KCND3: variants seen among roughly 807,000 people sequenced by gnomAD.
The protein encoded by KCND3 is A-type voltage-gated potassium channel KCND3.
KCND3 carries 9 observed loss-of-function variants against 51.1 expected under a neutral mutation model. The observed-to-expected ratio is 0.18, with a 90% CI of 0.11 to 0.31. KCND3 has a LOEUF of 0.31. Ranked by LOEUF, KCND3 falls within the 10% of genes least tolerant of loss-of-function variation. KCND3 has a pLI of 1.00. For synonymous variants in KCND3, 349 were observed against 368.0 expected (o/e 0.95, Z 0.59); for missense variants, 526 against 903.8 (o/e 0.58, Z 5.36).
At chr1:111,971,059 G>T (rs1674300670) in intron 2 of KCND3, among the ~76,000 whole-genome samples, 1 of 152,226 alleles carries the variant, frequency 6.6e-6, no homozygotes, top group South Asian at 2.1e-4. Context: ...TGGAAGTTCT[G>T]CCAAGAGCTT....
intron 2 of KCND3, among the ~76,000 whole-genome samples, chr1:111,975,270 G>C (rs1264075644): frequency 6.6e-5 from 10 of 152,160 alleles, no homozygotes; most frequent in Admixed American, 6.5e-4. Flanking sequence ...ACATTCTGAG[G>C]TCTCGGCTGC....
chr1:111,812,334 A>T (rs999572234), intron 2 of KCND3, among the ~76,000 whole-genome samples: 1 of 152,176 alleles, frequency 6.6e-6, no homozygotes, highest in Non-Finnish European at 1.5e-5. Flanking sequence ...ATTAGGGGAA[A>T]TGCAAAAATG....
At chr1:111,817,429 T>C (rs965873124) in intron 2 of KCND3, among the ~76,000 whole-genome samples, 8 of 152,174 alleles carry the variant, frequency 5.3e-5, no homozygotes, top group Non-Finnish European at 1.2e-4. Flanking sequence ...TGTCACTCAG[T>C]AGTAAATGCA....
chr1:111,898,593 T>C (rs1451143247), intron 2 of KCND3, among the ~76,000 whole-genome samples: 1 of 152,166 alleles, frequency 6.6e-6, no homozygotes, highest in Non-Finnish European at 1.5e-5. Context: ...AAATGAAAAC[T>C]CAAATATAGC....
chr1:111,880,963 CA>C (rs1241891740), intron 2 of KCND3, among the ~76,000 whole-genome samples: 1 of 152,142 alleles, frequency 6.6e-6, no homozygotes, highest in Non-Finnish European at 1.5e-5. Flanking sequence ...CCTTGGCTCC[CA>C]CATCCTCTGT....
chr1:111,810,890 AG>A (rs1665817743), intron 2 of KCND3, among the ~76,000 whole-genome samples: 1 of 152,160 alleles, frequency 6.6e-6, no homozygotes, highest in Non-Finnish European at 1.5e-5. Context: ...CTTTGCTGTG[AG>A]GGGCTGTGGC....
chr1:111,861,163 AG>A (rs992357503), intron 2 of KCND3, among the ~76,000 whole-genome samples: 11 of 151,976 alleles, frequency 7.2e-5, no homozygotes, highest in Non-Finnish European at 1.3e-4. Flanking sequence ...GAAAGGAGGA[AG>A]GGGGGCGGGG....
At chr1:111,855,575 G>A (rs1668028249) in intron 2 of KCND3, among the ~76,000 whole-genome samples, 1 of 152,180 alleles carries the variant, frequency 6.6e-6, no homozygotes, top group Non-Finnish European at 1.5e-5. Flanking sequence ...TGGCCAAACT[G>A]CTGAAATTTG....
chr1:111,874,726 C>A (rs1366515819), intron 2 of KCND3, among the ~76,000 whole-genome samples: 1 of 152,144 alleles, frequency 6.6e-6, no homozygotes, highest in Non-Finnish European at 1.5e-5. Flanking sequence ...AAAACCAACC[C>A]CCTATCCCCC....
intron 3 of KCND3, among the ~76,000 whole-genome samples, chr1:111,785,922 G>C (rs1275639582): frequency 1.3e-5 from 2 of 152,136 alleles, no homozygotes; most frequent in Non-Finnish European, 2.9e-5. Context: ...GTGGAATAAT[G>C]GATAAAAGAA....
intron 2 of KCND3, among the ~76,000 whole-genome samples, chr1:111,809,758 A>G (rs1281274208): frequency 6.6e-6 from 1 of 152,200 alleles, no homozygotes; most frequent in Non-Finnish European, 1.5e-5. Flanking sequence ...ATATTAAATG[A>G]TAGTCGTTAC....
rs748681349 is a variant in KCND3 at position 111,981,800 on chromosome 1, G to T, written c.927C>A (p.Ile309=). The stretch of plus-strand genomic sequence containing the variant: ...CACAGCTCTTCAGTGTGTAGCCCAG[G>T]ATCCGCAGGCCCTGGGAGTGGCGGG... The part of the protein sequence containing the change: ...KFSRHSQGLR[I]LGYTLKSCAS... Residue 309 remains isoleucine (I), a synonymous_variant, in exon 2 of 8, where the codon ATC becomes ATA. Coordinates refer to ENST00000302127, the MANE Select transcript of KCND3 (RefSeq NM_001378969.1). This position sits in a 1 kb window ranked among gnomAD's most constrained non-coding sequence, Gnocchi z 6.2. The T allele has an allele frequency of 6.2e-7, 1 of 1,614,122 alleles. No individual in the cohort carries two copies. Among genetic ancestry groups the T allele is most frequent in the South Asian group, 1.1e-5 (1 of 91,072 alleles).
intron 2 of KCND3, among the ~76,000 whole-genome samples, chr1:111,897,305 C>T (rs1670166755): frequency 6.6e-6 from 1 of 152,250 alleles, no homozygotes; most frequent in South Asian, 2.1e-4. Context: ...ATCTTCCCCA[C>T]CCTCTATGGT....
At chr1:111,933,084 C>T (rs1437490609) in intron 2 of KCND3, among the ~76,000 whole-genome samples, 2 of 152,138 alleles carry the variant, frequency 1.3e-5, no homozygotes, top group Non-Finnish European at 2.9e-5. Flanking sequence ...ATGCTGCTCT[C>T]GTGATAGTGA....
chr1:111,956,061 A>T (rs1218528545), intron 2 of KCND3, among the ~76,000 whole-genome samples: 1 of 152,112 alleles, frequency 6.6e-6, no homozygotes, highest in Non-Finnish European at 1.5e-5. Context: ...TTTACAGATG[A>T]GGAAACTGAA....
At chr1:111,910,996 G>A (rs1670917748) in intron 2 of KCND3, 1 of 152,204 alleles carries the variant, frequency 6.6e-6, no homozygotes, top group South Asian at 2.1e-4. Context: ...TTCTGGATGA[G>A]GGGACCGCTA....
intron 2 of KCND3, among the ~76,000 whole-genome samples, chr1:111,980,203 AGTGTGT>A (rs58988523): frequency 7.7e-5 from 11 of 143,048 alleles, no homozygotes; most frequent in East Asian, 2.1e-4. Context: ...CCATTTGAAG[AGTGTGT>A]GTGTGTGTGT....
chr1:111,874,999 G>A (rs867927298), intron 2 of KCND3, among the ~76,000 whole-genome samples: 11 of 152,242 alleles, frequency 7.2e-5, no homozygotes, highest in African/African-American at 2.7e-4. Context: ...GTAGTCAGGA[G>A]GATGAAATCA....
At chr1:111,795,189 C>T (rs1665003420) in intron 2 of KCND3, among the ~76,000 whole-genome samples, 1 of 152,162 alleles carries the variant, frequency 6.6e-6, no homozygotes, top group Admixed American at 6.5e-5. Context: ...CACATGCACC[C>T]CCTACCCCCA....
Sources: allele counts gnomAD v4.1 joint callset (sites outside exome capture counted in the v4.1 genomes callset), GRCh38; gene constraint gnomAD v4.1.1; non-coding constraint Gnocchi (gnomAD v3.1); transcripts MANE v1.5; gene names NCBI Gene and HGNC (gene_info 2026-07-23, HGNC 2026-07-21).